NRG1: variants seen among roughly 807,000 people sequenced by gnomAD.
NRG1 encodes pro-neuregulin-1, membrane-bound isoform.
NRG1 carries 18 observed loss-of-function variants against 63.8 expected under a neutral mutation model. The observed-to-expected ratio is 0.28, with a 90% confidence interval of 0.19 to 0.42. The LOEUF (loss-of-function observed/expected upper bound fraction) is 0.42. Among genes scored for constraint, NRG1 ranks in the 10% least tolerant of loss-of-function variants. The pLI, the probability that NRG1 is intolerant of heterozygous loss-of-function variation, is 1.00. For missense variants in NRG1, 762 were observed against 814.7 expected (o/e 0.94, Z 0.79); for synonymous variants, 302 against 301.3 (o/e 1.00, Z -0.02).
At chr8:32,654,270 C>T (rs1855790115) in intron 5 of NRG1, among the ~76,000 whole-genome samples, 1 of 152,066 alleles carries the variant, frequency 6.6e-6, no homozygotes, top group South Asian at 2.1e-4. Context: ...TTTGGTTTTC[C>T]CATTTATTAT....
intron 1 of NRG1, among the ~76,000 whole-genome samples, chr8:31,850,785 C>T (rs963401246): frequency 6.6e-6 from 1 of 152,196 alleles, no homozygotes; most frequent in Non-Finnish European, 1.5e-5. Flanking sequence ...TGAGTCTGCA[C>T]TCTCTCACCA....
Position 32,022,328 on chromosome 8 carries a change from C to T in NRG1, c.37+382897C>T, listed in dbSNP as rs1021544305. On this transcript the variant is annotated intron_variant, in intron 1 of 10. Coordinates refer to the NRG1 transcript ENST00000519301. ...TATTTATTAATCAATGTGCCTAATACATAGATGGGACTGCTTCCAGTGAGT... is the reference window on the plus strand; with the variant it reads ...TATTTATTAATCAATGTGCCTAATATATAGATGGGACTGCTTCCAGTGAGT... 3.3e-5 allele frequency among the ~76,000 whole-genome samples: 5 copies of T among 152,120 alleles called. No individual in the cohort carries two copies. In the East Asian group the frequency reaches 9.6e-4, roughly 29 times the overall value.
intron 1 of NRG1, among the ~76,000 whole-genome samples, chr8:32,302,430 T>TA (rs1855681867): frequency 6.6e-6 from 1 of 152,236 alleles, no homozygotes; most frequent in Non-Finnish European, 1.5e-5. Flanking sequence ...TGTGTAAACT[T>TA]ACGTGTAGGA....
chr8:32,179,880 A>G (rs1250643687), intron 1 of NRG1, among the ~76,000 whole-genome samples: 1 of 152,046 alleles, frequency 6.6e-6, no homozygotes, highest in Non-Finnish European at 1.5e-5. Context: ...TGTAATTTAC[A>G]ATTTTTAAAT....
At chr8:32,604,265 A>G (rs887384296) in intron 2 of NRG1, among the ~76,000 whole-genome samples, 3 of 152,160 alleles carry the variant, frequency 2.0e-5, no homozygotes, top group Non-Finnish European at 4.4e-5. Context: ...AATGACACAG[A>G]CAAAAGCACA....
intron 1 of NRG1, among the ~76,000 whole-genome samples, chr8:31,757,890 G>A (rs942290431): frequency 5.3e-5 from 8 of 151,912 alleles, no homozygotes; most frequent in Admixed American, 6.6e-5. Flanking sequence ...ATTTCTTTAT[G>A]CACCTTCCCA....
chr8:31,694,535 ATATGTCT>A (rs768288667), intron 1 of NRG1, among the ~76,000 whole-genome samples: 1 of 152,154 alleles, frequency 6.6e-6, no homozygotes, highest in Non-Finnish European at 1.5e-5. Flanking sequence ...AAGTTTGGAA[ATATGTCT>A]TATAAGGAAG....
chr8:31,827,111 G>T (rs553558966), intron 1 of NRG1, among the ~76,000 whole-genome samples: 1 of 152,004 alleles, frequency 6.6e-6, no homozygotes, highest in East Asian at 1.9e-4. Context: ...TCTGGTTCAG[G>T]GTACCGTAAC....
chr8:31,967,634 G>A (rs1806577173), intron 1 of NRG1, among the ~76,000 whole-genome samples: 1 of 152,156 alleles, frequency 6.6e-6, no homozygotes, highest in South Asian at 2.1e-4. Flanking sequence ...CAGAAGGCAG[G>A]GTGAGGAAGG....
chr8:32,022,241 C>G (rs539635927), intron 1 of NRG1, among the ~76,000 whole-genome samples: 1 of 152,228 alleles, frequency 6.6e-6, no homozygotes, highest in African/African-American at 2.4e-5. Flanking sequence ...TTTTGCTTGA[C>G]TTATTGCTTA....
At chr8:31,776,402 T>C (rs1375059828) in intron 1 of NRG1, among the ~76,000 whole-genome samples, 1 of 152,144 alleles carries the variant, frequency 6.6e-6, no homozygotes, top group East Asian at 1.9e-4. Context: ...GCCTCTGTGC[T>C]GGAAATGATG....
intron 1 of NRG1, among the ~76,000 whole-genome samples, chr8:31,691,038 GACTGAGGT>G (rs1035553047): frequency 1.3e-5 from 2 of 152,130 alleles, no homozygotes; most frequent in African/African-American, 4.8e-5. Flanking sequence ...TTGAGAATGA[GACTGAGGT>G]TGGAGTCCTG....
In NRG1 at chr8:31,640,551, C is replaced by A; in HGVS notation, c.37+1120C>A. On this transcript the variant is annotated intron_variant, in intron 1 of 10. Transcript: ENST00000519301. The surrounding 1 kb of genome is among the most constrained non-coding windows in gnomAD (Gnocchi z 6.3). ...TCACCGTGCGCCTGGGGACCTGGGG[C>A]CACCCCGCCTTCCCCTCCTGCGGGA... The A allele has an allele frequency of 6.2e-7, 1 of 1,611,748 alleles. No homozygotes were observed. The highest frequency in any genetic ancestry group is 8.5e-7 in the Non-Finnish European group (1 of 1,179,422).
At chr8:32,362,507 G>T (rs1312175591) in intron 1 of NRG1, among the ~76,000 whole-genome samples, 1 of 152,150 alleles carries the variant, frequency 6.6e-6, no homozygotes, top group Non-Finnish European at 1.5e-5. Context: ...TATTACAATG[G>T]TATCTGTAGT....
At chr8:32,492,441 GA>G (rs1232745399) in intron 1 of NRG1, among the ~76,000 whole-genome samples, 1 of 134,084 alleles carries the variant, frequency 7.5e-6, no homozygotes, top group Non-Finnish European at 1.6e-5. Context: ...TTTTTCTGTA[GA>G]AAGCATACAT....
intron 1 of NRG1, among the ~76,000 whole-genome samples, chr8:32,066,169 G>A (rs2130965737): frequency 6.6e-6 from 1 of 152,316 alleles, no homozygotes; most frequent in South Asian, 2.1e-4. Context: ...TTCTTTTGCT[G>A]TGCAGAAGCT....
chr8:32,578,033 C>T (rs368160726), intron 1 of NRG1, among the ~76,000 whole-genome samples: 4 of 152,212 alleles, frequency 2.6e-5, no homozygotes, highest in African/African-American at 9.6e-5. Context: ...CTCACACAGT[C>T]GCCTGGTCTG....
At chr8:32,025,550 C>T (rs1292102261) in intron 1 of NRG1, among the ~76,000 whole-genome samples, 1 of 152,046 alleles carries the variant, frequency 6.6e-6, no homozygotes, top group African/African-American at 2.4e-5. Context: ...TTTATTTTCA[C>T]CTTAAGACGT....
chr8:32,648,020 C>T lies in NRG1; in HGVS notation c.502+31135C>T. 7 of 1,614,102 alleles carry T rather than the reference C, an allele frequency of 4.3e-6. No individual in the cohort carries two copies. The South Asian group carries it at 7.7e-5, about 18-fold the overall frequency. ...CCGGCCTCAAGTGGGTATTTGTGGA[C>T]AAGATCTTTGAATATGACTCTCCTA... On this transcript the variant is annotated intron_variant, in intron 5 of 11. Coordinates refer to ENST00000356819, the Ensembl canonical transcript of NRG1.
Sources: allele counts gnomAD v4.1 joint callset (sites outside exome capture counted in the v4.1 genomes callset), GRCh38; gene constraint gnomAD v4.1.1; non-coding constraint Gnocchi (gnomAD v3.1); transcripts MANE v1.5; gene names NCBI Gene and HGNC (gene_info 2026-07-23, HGNC 2026-07-21).